IGSF11: variants seen among roughly 807,000 people sequenced by gnomAD.
IGSF11 encodes the protein immunoglobulin superfamily member 11.
In IGSF11, 22 loss-of-function variants were observed where a neutral mutation model predicts 41.0. The observed-to-expected ratio is 0.54, with a 90% CI of 0.38 to 0.77. The LOEUF (loss-of-function observed/expected upper bound fraction) is 0.77, where lower values mean the gene tolerates loss of function less well. Among genes scored for constraint, IGSF11 ranks in the 30% least tolerant of loss-of-function variants. IGSF11 has a pLI of 0.00. For synonymous variants in IGSF11, 219 were observed against 201.3 expected (o/e 1.09, Z -0.74); for missense variants, 444 against 530.8 (o/e 0.84, Z 1.61).
chr3:118,944,611 T>C (rs920678392), intron 1 of IGSF11, among the ~76,000 whole-genome samples: 1 of 152,152 alleles, frequency 6.6e-6, no homozygotes, highest in Non-Finnish European at 1.5e-5. Flanking sequence ...CTGTACTTCC[T>C]TGATATAGTC....
chr3:118,928,362 G>T (rs538679466), intron 3 of IGSF11, 147 bp downstream of exon 3: 53 of 622,222 alleles, frequency 8.5e-5, no homozygotes, highest in Non-Finnish European at 1.4e-4. Flanking sequence ...TAAGAAGCAT[G>T]GAGAAGGAGA....
At chr3:119,048,093 A>C (rs1375623287) in intron 1 of IGSF11, among the ~76,000 whole-genome samples, 1 of 151,460 alleles carries the variant, frequency 6.6e-6, no homozygotes, top group Non-Finnish European at 1.5e-5. Flanking sequence ...AAGAACTAGA[A>C]AAGCAAGAGC....
intron 1 of IGSF11, among the ~76,000 whole-genome samples, chr3:119,009,386 G>A (rs567674450): frequency 6.6e-6 from 1 of 152,176 alleles, no homozygotes; most frequent in Non-Finnish European, 1.5e-5. Context: ...ACGTGTCAAG[G>A]GAGGGACCTG....
At chr3:119,117,764 T>C in intron 1 of IGSF11, among the ~76,000 whole-genome samples, 1 of 152,144 alleles carries the variant, frequency 6.6e-6, no homozygotes, top group East Asian at 1.9e-4. Flanking sequence ...GCCTGTAAAA[T>C]CAAAGGCAAG....
At chr3:119,075,958 T>C (rs2076487766) in intron 1 of IGSF11, among the ~76,000 whole-genome samples, 1 of 152,088 alleles carries the variant, frequency 6.6e-6, no homozygotes, top group Non-Finnish European at 1.5e-5. Flanking sequence ...GACAAGTCAA[T>C]CCTAAGCCAA....
chr3:119,118,736 C>A (rs185436610), intron 1 of IGSF11, among the ~76,000 whole-genome samples: 2 of 152,144 alleles, frequency 1.3e-5, no homozygotes, highest in Non-Finnish European at 2.9e-5. Context: ...AACTTTTATG[C>A]CCTGTTTCTC....
intron 1 of IGSF11, among the ~76,000 whole-genome samples, chr3:119,129,684 T>C (rs939815910): frequency 3.3e-5 from 5 of 152,108 alleles, no homozygotes; most frequent in African/African-American, 7.2e-5. Context: ...ATACAATGGA[T>C]ACACAAAAAA....
intron 4 of IGSF11, chr3:118,925,886 G>T (rs1012698903): frequency 3.2e-6 from 1 of 310,828 alleles, no homozygotes; most frequent in African/African-American, 2.1e-5. Flanking sequence ...TCCATATATA[G>T]TTACCACTGG....
chr3:118,979,285 C>A (rs1463375735), intron 1 of IGSF11, among the ~76,000 whole-genome samples: 1 of 151,828 alleles, frequency 6.6e-6, no homozygotes, highest in East Asian at 1.9e-4. Context: ...ATAAGGCAAC[C>A]AAATATTCAA....
At chr3:119,068,683 A>G (rs1942303836) in intron 1 of IGSF11, among the ~76,000 whole-genome samples, 1 of 152,138 alleles carries the variant, frequency 6.6e-6, no homozygotes, top group Non-Finnish European at 1.5e-5. Flanking sequence ...TTAGTAAATA[A>G]TTTATTTACT....
Position 118,904,647 on chromosome 3 carries a change from C to A in IGSF11, c.854+1G>T, listed in dbSNP as rs756482619. The A allele has an allele frequency of 6.2e-7, 1 of 1,606,494 alleles. No homozygotes were observed. On this transcript the variant is annotated splice_donor_variant, in intron 6 of 6. Transcript: ENST00000393775. LOFTEE classifies it high-confidence loss of function. The stretch of plus-strand genomic sequence containing the variant: ...AAATTTTAAAAATCTGACATACAAA[C>A]CTTATTTCATTAGGAATTTCTTCTT...
intron 1 of IGSF11, among the ~76,000 whole-genome samples, chr3:119,125,711 G>A (rs1057318100): frequency 2.0e-5 from 3 of 152,082 alleles, no homozygotes; most frequent in Non-Finnish European, 4.4e-5. Context: ...ATCCTTCACC[G>A]GCAACCAAGG....
chr3:119,124,511 A>T (rs1271165345), intron 1 of IGSF11, among the ~76,000 whole-genome samples: 2 of 150,548 alleles, frequency 1.3e-5, no homozygotes, highest in African/African-American at 2.4e-5. Context: ...AGAGTTCGAG[A>T]CCAGCCTGGC....
chr3:119,002,120 C>A (rs1435862839), intron 1 of IGSF11, among the ~76,000 whole-genome samples: 1 of 136,248 alleles, frequency 7.3e-6, no homozygotes, highest in Non-Finnish European at 1.5e-5. Flanking sequence ...TCTCCACATC[C>A]TCTCCAGCAC....
chr3:118,974,052 C>T (rs184328026), intron 1 of IGSF11, among the ~76,000 whole-genome samples: 3 of 151,858 alleles, frequency 2.0e-5, no homozygotes, highest in East Asian at 1.9e-4. Flanking sequence ...CCATGGCATA[C>T]GTTTACCTAT....
intron 1 of IGSF11, among the ~76,000 whole-genome samples, chr3:119,062,687 G>T (rs1034497650): frequency 2.8e-4 from 42 of 152,148 alleles, no homozygotes; most frequent in Non-Finnish European, 5.6e-4. Flanking sequence ...CTAAAGCTTA[G>T]CTATTGATGG....
At chr3:119,091,858 A>ATT (rs57180680) in intron 1 of IGSF11, among the ~76,000 whole-genome samples, 1 of 151,534 alleles carries the variant, frequency 6.6e-6, no homozygotes, top group Non-Finnish European at 1.5e-5. Context: ...TAAATATTGA[A>ATT]TTTTTTTTTA....
At chr3:119,012,987 G>T in intron 1 of IGSF11, 1 of 152,440 alleles carries the variant, frequency 6.6e-6, no homozygotes. Context: ...TCCAGCCTCT[G>T]CTCCCCTTAA....
At chr3:119,031,696 A>T (rs766188175) in intron 1 of IGSF11, among the ~76,000 whole-genome samples, 19 of 152,244 alleles carry the variant, frequency 1.2e-4, no homozygotes, top group Non-Finnish European at 2.4e-4. Flanking sequence ...TATTAGGCTT[A>T]GTATCTCTGA....
Sources: gnomAD v4.1 joint callset for allele counts (sites outside exome capture counted in the v4.1 genomes callset) on GRCh38, gnomAD v4.1.1 for gene constraint, MANE v1.5 for transcripts, NCBI Gene and HGNC (gene_info 2026-07-23, HGNC 2026-07-21) for gene names.